Variants in VSTM2L observed in about 807,000 individuals in gnomAD.
VSTM2L encodes V-set and transmembrane domain containing 2 like.
A neutral mutation model predicts 19.9 loss-of-function variants in VSTM2L; 9 were observed. That is an observed-to-expected ratio of 0.45 (90% CI 0.27 to 0.79). The LOEUF (loss-of-function observed/expected upper bound fraction) is 0.79, where lower values mean the gene tolerates loss of function less well. Ranked by LOEUF, VSTM2L falls within the 30% of genes least tolerant of loss-of-function variation. VSTM2L has a pLI of 0.15. For synonymous variants in VSTM2L, 127 were observed against 133.8 expected, an observed-to-expected ratio of 0.95 and a Z score of 0.35; for missense variants, 286 against 295.5, an observed-to-expected ratio of 0.97 and a Z score of 0.24.
rs764369901 is a variant in VSTM2L at position 37,931,791 on chromosome 20, G to C, written c.278G>C (p.Trp93Ser). 9 of 1,613,712 alleles carry C rather than the reference G, an allele frequency of 5.6e-6. No homozygotes were observed. The highest frequency in any genetic ancestry group is 5.0e-5 in the Admixed American group (3 of 60,006). Residue 93 changes from tryptophan to serine, a missense_variant, in exon 2 of 4, where the codon TGG becomes TCG. Coordinates refer to ENST00000373461, the MANE Select transcript of VSTM2L (RefSeq NM_080607.3). ...SHRDWTDKQA[W>S]ASNQLKASQQ... is the part of the protein sequence containing the mutation. The stretch of plus-strand genomic sequence containing the variant: ...CGGGACTGGACCGACAAGCAGGCGT[G>C]GGCCTCGAACCAGGTAATGCCCCTG...
Position 37,926,990 on chromosome 20 carries a change from C to T in VSTM2L, c.122-4645C>T, listed in dbSNP as rs536594362. Among the ~76,000 whole-genome samples the T allele has an allele frequency of 2.6e-4, 39 of 152,284 alleles. No homozygotes were observed. In the South Asian group the frequency reaches 4.8e-3, roughly 19 times the overall value. Reference sequence around the variant, plus strand: ...CATTAGTAATTTCTTTTTTCCAAGACGGAGTCTTGCTGTTGCCCAGGCTGG... The same window carrying T: ...CATTAGTAATTTCTTTTTTCCAAGATGGAGTCTTGCTGTTGCCCAGGCTGG... On this transcript the variant is annotated intron_variant, in intron 1 of 3. Coordinates refer to ENST00000373461, the MANE Select transcript of VSTM2L (RefSeq NM_080607.3).
intron 1 of VSTM2L, among the ~76,000 whole-genome samples, chr20:37,916,917 G>A (rs528514522): frequency 6.6e-6 from 1 of 152,204 alleles, no homozygotes; most frequent in Middle Eastern, 3.2e-3. Flanking sequence ...GGTTAGGGGA[G>A]AGTGGGGAGT....
chr20:37,929,197 C>T (rs368896406), intron 1 of VSTM2L, among the ~76,000 whole-genome samples: 10 of 152,060 alleles, frequency 6.6e-5, no homozygotes, highest in Non-Finnish European at 1.2e-4. Flanking sequence ...AAGGCAGTTC[C>T]AGGGGAGTCT....
At chr20:37,933,175 C>A (rs898236808) in intron 2 of VSTM2L, among the ~76,000 whole-genome samples, 12 of 151,258 alleles carry the variant, frequency 7.9e-5, no homozygotes, top group African/African-American at 3.0e-4. Flanking sequence ...CAAACACACT[C>A]TCAGAGTGAC....
chr20:37,944,290 T>A lies in VSTM2L; in HGVS notation c.*37T>A. The A allele has an allele frequency of 7.1e-7, 1 of 1,409,360 alleles. No homozygotes were observed. The highest frequency in any genetic ancestry group is 2.6e-5 in the East Asian group (1 of 38,212). The allele number at this position is 1,409,360 out of a possible 1,614,324, so 87.3% of individuals were successfully genotyped here. ...TGCCCCCGCCCATCCGCCCCCACGC[T>A]GTACAGAGTGCATGAGGAGCCGCCG... is the stretch of plus-strand genomic sequence containing the variant. On this transcript the variant is annotated 3_prime_UTR_variant, in exon 4 of 4. Coordinates refer to ENST00000373461, the MANE Select transcript of VSTM2L (RefSeq NM_080607.3).
intron 1 of VSTM2L, among the ~76,000 whole-genome samples, chr20:37,914,014 T>C (rs1568834942): frequency 6.6e-6 from 1 of 151,854 alleles, no homozygotes; most frequent in Non-Finnish European, 1.5e-5. Context: ...GGGAAGGCGC[T>C]GAGTTTGGTG....
intron 1 of VSTM2L, among the ~76,000 whole-genome samples, chr20:37,930,084 G>T (rs1233729466): frequency 6.6e-6 from 1 of 152,192 alleles, no homozygotes; most frequent in Admixed American, 6.5e-5. Context: ...AGCAAGCGGG[G>T]AGCCTCCATG....
intron 1 of VSTM2L, among the ~76,000 whole-genome samples, chr20:37,914,352 TG>T (rs1451609916): frequency 9.0e-4 from 1 of 1,114 alleles, no homozygotes; most frequent in African/African-American, 2.6e-3. Context: ...TGTGCATGTG[TG>T]TGGGGTGTTT....
Position 37,945,102 on chromosome 20 carries a change from C to A in VSTM2L, c.*849C>A. 18 of 985,788 alleles carry A rather than the reference C, an allele frequency of 1.8e-5. No homozygotes were observed. The highest frequency in any genetic ancestry group is 2.2e-5 in the Non-Finnish European group (18 of 829,918). The allele number at this position is 985,788 out of a possible 1,614,324, so 61.1% of individuals were successfully genotyped here. ...CCCAGGGCCTGGGGCTGTTGGGAGC[C>A]AAGGGCCCCCTGGTACTCAGTTCCC... On this transcript the variant is annotated 3_prime_UTR_variant, in exon 4 of 4. Transcript: ENST00000373461.
At chr20:37,917,620 A>G (rs1018160750) in intron 1 of VSTM2L, among the ~76,000 whole-genome samples, 1 of 152,266 alleles carries the variant, frequency 6.6e-6, no homozygotes, top group Non-Finnish European at 1.5e-5. Context: ...AATGCCACCC[A>G]GCACGCCAGG....
intron 1 of VSTM2L, among the ~76,000 whole-genome samples, 170 bp downstream of exon 1, chr20:37,903,641 G>C (rs1416817256): frequency 6.6e-6 from 1 of 152,128 alleles, no homozygotes; most frequent in Non-Finnish European, 1.5e-5. Flanking sequence ...CTGCAGAGAA[G>C]GGGGCACCCG....
In VSTM2L at chr20:37,937,787, G is replaced by A. The variant is rs1003009879; in HGVS notation, c.342+4198G>A. 5.9e-5 allele frequency among the ~76,000 whole-genome samples: 9 copies of A among 152,348 alleles called. 1 individual carries two copies. The highest frequency in any genetic ancestry group is 2.2e-4 in the African/African-American group (9 of 41,584). Reference sequence around the variant, plus strand: ...TGATAAAAAATACAATTACAACTGTGACCAAAATGAGGAGAGCTGCCATAA... The same window carrying A: ...TGATAAAAAATACAATTACAACTGTAACCAAAATGAGGAGAGCTGCCATAA... On this transcript the variant is annotated intron_variant, in intron 3 of 3. Coordinates refer to ENST00000373461, the MANE Select transcript of VSTM2L (RefSeq NM_080607.3).
chr20:37,931,326 C>T (rs2072907498), intron 1 of VSTM2L, among the ~76,000 whole-genome samples: 1 of 152,188 alleles, frequency 6.6e-6, no homozygotes, highest in African/African-American at 2.4e-5. Flanking sequence ...ACATCCAGCC[C>T]AGGCCTTCTC....
At chr20:37,908,731 A>T (rs2072764024) in intron 1 of VSTM2L, among the ~76,000 whole-genome samples, 1 of 152,238 alleles carries the variant, frequency 6.6e-6, no homozygotes, top group Non-Finnish European at 1.5e-5. Context: ...TGAGCCCAGG[A>T]GATGGAGGTT....
At position 37,942,873 on chromosome 20, in the gene VSTM2L, C is replaced by T. The variant is rs565824919; in HGVS notation, c.343-1108C>T. 4.6e-5 allele frequency among the ~76,000 whole-genome samples: 7 copies of T among 152,334 alleles called. No homozygotes were observed. The South Asian group carries it at 1.2e-3, about 27-fold the overall frequency. On this transcript the variant is annotated intron_variant, in intron 3 of 3. Coordinates refer to ENST00000373461, the MANE Select transcript of VSTM2L (RefSeq NM_080607.3). Reference sequence around the variant, plus strand: ...CGAATATAACAAACATCCTTGCTCCCCCCAAGTGGAGTGAATAGTTATTAG... The same window carrying T: ...CGAATATAACAAACATCCTTGCTCCTCCCAAGTGGAGTGAATAGTTATTAG...
At chr20:37,906,414 A>AT (rs1042767956) in intron 1 of VSTM2L, among the ~76,000 whole-genome samples, 7 of 152,222 alleles carry the variant, frequency 4.6e-5, no homozygotes, top group South Asian at 2.1e-4. Flanking sequence ...AGTGATTTTG[A>AT]TTTTTTCTTA....
chr20:37,933,676 G>C (rs1295443206), intron 3 of VSTM2L, 87 bp downstream of exon 3: 3 of 1,323,356 alleles, frequency 2.3e-6, no homozygotes, highest in Non-Finnish European at 3.2e-6. Flanking sequence ...GTTCAGCAGG[G>C]AGCTTGGGCA....
chr20:37,933,335 T>A (rs1201725384), intron 2 of VSTM2L, among the ~76,000 whole-genome samples: 1 of 152,226 alleles, frequency 6.6e-6, no homozygotes, highest in Non-Finnish European at 1.5e-5. Flanking sequence ...TATCTTCTTT[T>A]GCTCTGACCT....
chr20:37,937,953 G>C (rs185932038), intron 3 of VSTM2L, among the ~76,000 whole-genome samples: 1 of 152,184 alleles, frequency 6.6e-6, no homozygotes, highest in Non-Finnish European at 1.5e-5. Flanking sequence ...GCTAGTGGCC[G>C]ATGAGGCTGA....
Sources: gnomAD v4.1 joint callset for allele counts (sites outside exome capture counted in the v4.1 genomes callset) on GRCh38, gnomAD v4.1.1 for gene constraint, MANE v1.5 for transcripts, NCBI Gene and HGNC (gene_info 2026-07-23, HGNC 2026-07-21) for gene names.